Variants in LRRC4C observed in about 807,000 individuals in gnomAD.
LRRC4C encodes leucine rich repeat containing 4C, also known as leucine-rich repeat-containing protein 4C.
Under a neutral mutation model 33.6 loss-of-function variants are expected in LRRC4C, and 5 were observed. The observed-to-expected ratio is 0.15, with a 90% confidence interval of 0.08 to 0.31. LRRC4C has a LOEUF of 0.31. Ranked by LOEUF, LRRC4C falls within the 10% of genes least tolerant of loss-of-function variation. The probability of loss-of-function intolerance (pLI) is 1.00; values close to 1 mark genes in which losing one functional copy is unlikely to be tolerated. For missense variants in LRRC4C, 560 were observed against 796.7 expected, an observed-to-expected ratio of 0.70 and a Z score of 3.58; for synonymous variants, 329 against 302.0, an observed-to-expected ratio of 1.09 and a Z score of -0.93.
intron 1 of LRRC4C, among the ~76,000 whole-genome samples, chr11:41,388,272 G>T (rs1953440468): frequency 6.6e-6 from 1 of 151,824 alleles, no homozygotes; most frequent in African/African-American, 2.4e-5. Context: ...GGTAGTGCTA[G>T]GGTAAAGATA....
intron 1 of LRRC4C, among the ~76,000 whole-genome samples, chr11:40,999,575 G>A (rs1381549815): frequency 3.3e-5 from 5 of 152,024 alleles, no homozygotes; most frequent in South Asian, 2.1e-4. Flanking sequence ...GGGAACAACC[G>A]TCCCATAGGA....
chr11:41,022,790 C>T (rs939451265), intron 1 of LRRC4C, among the ~76,000 whole-genome samples: 3 of 151,854 alleles, frequency 2.0e-5, no homozygotes, highest in Non-Finnish European at 4.4e-5. Context: ...GCAACTTTTC[C>T]CCCATCATCA....
At chr11:40,775,621 T>C (rs1949960279) in intron 2 of LRRC4C, among the ~76,000 whole-genome samples, 1 of 152,226 alleles carries the variant, frequency 6.6e-6, no homozygotes, top group African/African-American at 2.4e-5. Context: ...TTTGGAGCAT[T>C]GATTTTGTAT....
intron 1 of LRRC4C, among the ~76,000 whole-genome samples, chr11:41,207,304 T>A (rs1384387483): frequency 6.6e-6 from 1 of 152,158 alleles, no homozygotes; most frequent in Non-Finnish European, 1.5e-5. Context: ...TTTTAAAAGT[T>A]CCTCTCTCCC....
intron 4 of LRRC4C, among the ~76,000 whole-genome samples, chr11:40,280,118 T>A (rs986449704): frequency 2.0e-5 from 3 of 152,162 alleles, no homozygotes; most frequent in African/African-American, 7.2e-5. Flanking sequence ...GAAATCCATC[T>A]GTGATGCTCA....
chr11:41,403,511 T>A (rs189877479), intron 1 of LRRC4C, among the ~76,000 whole-genome samples: 1 of 152,200 alleles, frequency 6.6e-6, no homozygotes, highest in East Asian at 1.9e-4. Context: ...TCAGGTGTCC[T>A]TTATGGCAGC....
chr11:41,076,050 C>CCTA (rs1429058312), intron 1 of LRRC4C, among the ~76,000 whole-genome samples: 1 of 152,120 alleles, frequency 6.6e-6, no homozygotes, highest in African/African-American at 2.4e-5. Context: ...AGCTTGAAGA[C>CCTA]CTACTCTCTT....
chr11:40,327,851 A>T (rs965191732), intron 3 of LRRC4C, among the ~76,000 whole-genome samples: 1 of 152,168 alleles, frequency 6.6e-6, no homozygotes, highest in African/African-American at 2.4e-5. Context: ...AATAAAGTTG[A>T]TTACTTTTAT....
chr11:40,710,484 C>A (rs542963464), intron 2 of LRRC4C, among the ~76,000 whole-genome samples: 2 of 148,274 alleles, frequency 1.3e-5, no homozygotes, highest in African/African-American at 4.9e-5. Context: ...TGCTGGAGGT[C>A]CACTCCAGCC....
chr11:41,078,842 A>G lies in LRRC4C; in HGVS notation c.-495-145119T>C, dbSNP rs566384308. 3.9e-5 allele frequency among the ~76,000 whole-genome samples: 6 copies of G among 152,154 alleles called. No homozygotes were observed. In the South Asian group the frequency reaches 1.2e-3, roughly 32 times the overall value. ...AGCAAATGTTATGGGCTGTATCTTC[A>G]ATTTCTAAATCTGTGAATTTTTCGC... is the stretch of plus-strand genomic sequence containing the variant. On this transcript the variant is annotated intron_variant, in intron 1 of 6. Transcript: ENST00000528697.
intron 1 of LRRC4C, among the ~76,000 whole-genome samples, chr11:41,246,333 G>A (rs566115940): frequency 3.9e-5 from 6 of 152,296 alleles, no homozygotes; most frequent in Admixed American, 2.0e-4. Flanking sequence ...TCATGACAGC[G>A]CCTGGGCTTG....
intron 4 of LRRC4C, among the ~76,000 whole-genome samples, chr11:40,282,595 A>G (rs1943554576): frequency 6.6e-6 from 1 of 152,144 alleles, no homozygotes; most frequent in African/African-American, 2.4e-5. Flanking sequence ...ACTGGAAATA[A>G]TCTAAAACTA....
At chr11:40,856,791 C>A (rs573403056) in intron 2 of LRRC4C, among the ~76,000 whole-genome samples, 4 of 152,218 alleles carry the variant, frequency 2.6e-5, no homozygotes, top group Non-Finnish European at 5.9e-5. Flanking sequence ...CTCAGCACAG[C>A]ATCTGAGTGC....
chr11:41,306,986 TA>T (rs1950522351), intron 1 of LRRC4C, among the ~76,000 whole-genome samples: 1 of 152,184 alleles, frequency 6.6e-6, no homozygotes, highest in African/African-American at 2.4e-5. Flanking sequence ...CCATCAAATC[TA>T]GATAGTTGTA....
chr11:41,348,912 G>C (rs1165944065), intron 1 of LRRC4C, among the ~76,000 whole-genome samples: 1 of 152,198 alleles, frequency 6.6e-6, no homozygotes, highest in Non-Finnish European at 1.5e-5. Flanking sequence ...CAGAACTCCA[G>C]TCTGCGTGGA....
intron 1 of LRRC4C, among the ~76,000 whole-genome samples, chr11:41,244,211 AAGAG>A (rs5791427): frequency 0.13 from 20,380 of 151,972 alleles, 1,488 homozygotes; most frequent in Middle Eastern, 0.25. Context: ...AAAAGAAAGA[AAGAG>A]AGAGAGAAGA....
chr11:40,860,686 C>A, intron 2 of LRRC4C, among the ~76,000 whole-genome samples: 1 of 151,800 alleles, frequency 6.6e-6, no homozygotes, highest in Non-Finnish European at 1.5e-5. Flanking sequence ...CCTACCCCAA[C>A]TCCTCCAGGA....
At chr11:40,277,037 T>C (rs1425021606) in intron 4 of LRRC4C, among the ~76,000 whole-genome samples, 2 of 152,030 alleles carry the variant, frequency 1.3e-5, no homozygotes, top group Non-Finnish European at 2.9e-5. Flanking sequence ...TTAAGAGTTA[T>C]GGGGGAAAAG....
intron 1 of LRRC4C, among the ~76,000 whole-genome samples, chr11:41,010,438 CCA>C (rs1211507673): frequency 2.6e-5 from 4 of 152,070 alleles, no homozygotes; most frequent in Non-Finnish European, 5.9e-5. Context: ...TGAAAATATA[CCA>C]GGCATTCAAA....
Sources: gnomAD v4.1 joint callset for allele counts (sites outside exome capture counted in the v4.1 genomes callset) on GRCh38, gnomAD v4.1.1 for gene constraint, MANE v1.5 for transcripts, NCBI Gene and HGNC (gene_info 2026-07-23, HGNC 2026-07-21) for gene names.